CAST: variants seen among roughly 807,000 people sequenced by gnomAD.
CAST encodes the protein MIR583 host.
Under a neutral mutation model 119.6 loss-of-function variants are expected in CAST, and 76 were observed. That is an observed-to-expected ratio of 0.64 (90% CI 0.53 to 0.77). CAST has a LOEUF of 0.77. CAST is among the 30% of genes least tolerant of loss of function. The pLI is 0.00. For missense variants in CAST, 953 were observed against 946.5 expected (o/e 1.01, Z -0.09); for synonymous variants, 319 against 331.6 (o/e 0.96, Z 0.41).
chr5:95,963,625 C>A, the CAST span, among the ~76,000 whole-genome samples: 4 of 152,134 alleles, frequency 2.6e-5, no homozygotes, highest in African/African-American at 7.2e-5. Flanking sequence ...ACCTAGTTTT[C>A]TCCGCTTTCC....
the CAST span, among the ~76,000 whole-genome samples, chr5:96,107,777 T>C: frequency 6.6e-6 from 1 of 152,234 alleles, no homozygotes; most frequent in East Asian, 1.9e-4. Context: ...GTCTGCCTTG[T>C]TAGATTGGGG....
chr5:96,205,940 G>A, the CAST span, among the ~76,000 whole-genome samples: 1 of 151,812 alleles, frequency 6.6e-6, no homozygotes, highest in Non-Finnish European at 1.5e-5. Flanking sequence ...ACAACAGTGT[G>A]TAAGTGCTCC....
At chr5:95,997,157 T>C in the CAST span, among the ~76,000 whole-genome samples, 1 of 152,180 alleles carries the variant, frequency 6.6e-6, no homozygotes, top group Non-Finnish European at 1.5e-5. Flanking sequence ...AGGATTCATT[T>C]TCCATGCATG....
the CAST span, among the ~76,000 whole-genome samples, chr5:96,366,592 T>C: frequency 6.6e-6 from 1 of 152,242 alleles, no homozygotes; most frequent in South Asian, 2.1e-4. Context: ...CTTCAATCAC[T>C]GATACCCTTT....
the CAST span, among the ~76,000 whole-genome samples, chr5:96,454,623 G>T: frequency 2.0e-5 from 3 of 152,238 alleles, no homozygotes; most frequent in Non-Finnish European, 4.4e-5. Flanking sequence ...TCTAGCGGGA[G>T]CTACTCAACA....
At chr5:96,501,836 T>A in the CAST span, among the ~76,000 whole-genome samples, 12 of 152,366 alleles carry the variant, frequency 7.9e-5, no homozygotes, top group East Asian at 2.3e-3. Context: ...TGAAAAATTC[T>A]TATTGCCTAG....
chr5:96,034,794 T>C, the CAST span, among the ~76,000 whole-genome samples: 5 of 151,036 alleles, frequency 3.3e-5, no homozygotes, highest in Admixed American at 3.3e-4. Flanking sequence ...CGACCCCTGA[T>C]AACCACATTC....
chr5:96,523,187 G>T (rs1745544481), upstream of CAST, among the ~76,000 whole-genome samples: 1 of 152,168 alleles, frequency 6.6e-6, no homozygotes, highest in African/African-American at 2.4e-5. Flanking sequence ...AGAGTTACTG[G>T]TGCCAGGAGG....
chr5:96,511,813 A>C, the CAST span, among the ~76,000 whole-genome samples: 1 of 152,214 alleles, frequency 6.6e-6, no homozygotes, highest in Non-Finnish European at 1.5e-5. Context: ...AAATCACCCT[A>C]GATTTATCTG....
intron 26 of CAST, 128 bp downstream of exon 26, chr5:96,765,453 T>C (rs1356711785): frequency 1.8e-5 from 11 of 598,246 alleles, no homozygotes; most frequent in Non-Finnish European, 2.1e-5. Flanking sequence ...GAAATTATAA[T>C]GAAATAGAAA....
At chr5:96,473,060 T>C in the CAST span, among the ~76,000 whole-genome samples, 1 of 152,222 alleles carries the variant, frequency 6.6e-6, no homozygotes, top group Non-Finnish European at 1.5e-5. Context: ...CTCCTTTCTC[T>C]TGTACAGACA....
At chr5:96,459,122 C>G in the CAST span, among the ~76,000 whole-genome samples, 4 of 152,038 alleles carry the variant, frequency 2.6e-5, no homozygotes, top group Non-Finnish European at 5.9e-5. Context: ...TATCCTGGCT[C>G]CCAACACTGT....
chr5:96,504,180 G>T, the CAST span, among the ~76,000 whole-genome samples: 3 of 152,140 alleles, frequency 2.0e-5, no homozygotes, highest in Non-Finnish European at 4.4e-5. Context: ...AGGAGAATTC[G>T]AATCTTGCTG....
chr5:96,695,877 C>T lies in CAST; in HGVS notation c.180C>T (p.Thr60=). Residue 60 remains threonine (T), a synonymous_variant, in exon 3 of 32, where the codon ACC becomes ACT. Coordinates refer to ENST00000675179, the MANE Select transcript of CAST (RefSeq NM_001750.7). ...ASLGSSQSSR[T]YAGGTASATK... ...TCGGCAGCAGTCAATCCTCCAGAAC[C>T]TATGCTGGTGGAACAGCCTCGGCCA... 1 of 1,613,110 alleles carries T rather than the reference C, an allele frequency of 6.2e-7. No homozygotes were observed. Among genetic ancestry groups the T allele is most frequent in the Non-Finnish European group, 8.5e-7 (1 of 1,179,342 alleles).
In CAST at chr5:96,625,296, C is replaced by G. The variant is rs115995029; in HGVS notation, c.61-50243C>G. 4.9e-3 allele frequency among the ~76,000 whole-genome samples: 751 copies of G among 152,228 alleles called. 7 individuals carry two copies. The highest frequency in any genetic ancestry group is 0.017 in the African/African-American group (717 of 41,490). On this transcript the variant is annotated intron_variant, in intron 1 of 11. Transcript: ENST00000505143. Reference sequence around the variant, plus strand: ...TCTCTCTCCCTCTCTCTGTCTCTCTCTCTCTCTGTCTCTCATACGCACACT... The same window carrying G: ...TCTCTCTCCCTCTCTCTGTCTCTCTGTCTCTCTGTCTCTCATACGCACACT...
At chr5:96,709,770 A>AT (rs1338073461) in intron 3 of CAST, among the ~76,000 whole-genome samples, 1 of 152,204 alleles carries the variant, frequency 6.6e-6, no homozygotes, top group African/African-American at 2.4e-5. Context: ...ATAGACATAT[A>AT]TTATTTTCTG....
In CAST at chr5:96,746,384, G is replaced by C. The variant is rs758376442; in HGVS notation, c.1243G>C (p.Asp415His). ...EEKLEKCGED[D>H]ETIPSEYRLK... is the part of the protein sequence containing the mutation. Reference sequence around the variant, plus strand: ...AAAACTAGAGAAGTGTGGTGAGGATGATGAAACAATCCCATCTGAGTACAG... The same window carrying C: ...AAAACTAGAGAAGTGTGGTGAGGATCATGAAACAATCCCATCTGAGTACAG... Residue 415 changes from aspartate to histidine, a missense_variant, in exon 17 of 32, where the codon GAT becomes CAT. By Grantham distance (81) the Asp-to-His change is moderately conservative. Coordinates refer to ENST00000675179, the MANE Select transcript of CAST (RefSeq NM_001750.7). The C allele has an allele frequency of 6.2e-7, 1 of 1,612,868 alleles. No individual in the cohort carries two copies. The highest frequency in any genetic ancestry group is 8.5e-7 in the Non-Finnish European group (1 of 1,178,844).
chr5:96,505,188 A>G, the CAST span, among the ~76,000 whole-genome samples: 1 of 152,266 alleles, frequency 6.6e-6, no homozygotes, highest in Non-Finnish European at 1.5e-5. Context: ...AAACTTCAAA[A>G]TGTTAAAAAA....
chr5:96,538,695 G>GT (rs1745861813), intron 1 of CAST, among the ~76,000 whole-genome samples: 1 of 150,810 alleles, frequency 6.6e-6, no homozygotes, highest in African/African-American at 2.4e-5. Context: ...AACAGAAAAT[G>GT]TAACATTGAA....
Sources: gnomAD v4.1 joint callset for allele counts (sites outside exome capture counted in the v4.1 genomes callset) on GRCh38, gnomAD v4.1.1 for gene constraint, MANE v1.5 for transcripts, NCBI Gene and HGNC (gene_info 2026-07-23, HGNC 2026-07-21) for gene names.